SPOCK2: variants seen among roughly 807,000 people sequenced by gnomAD.
SPOCK2 encodes testican-2.
SPOCK2 carries 39 observed loss-of-function variants against 60.1 expected under a neutral mutation model. That is an observed-to-expected ratio of 0.65 (90% CI 0.50 to 0.85). The LOEUF (loss-of-function observed/expected upper bound fraction) is 0.85, where lower values mean the gene tolerates loss of function less well. Among genes scored for constraint, SPOCK2 ranks in the 40% least tolerant of loss-of-function variants. SPOCK2 has a pLI of 0.00. For missense variants in SPOCK2, 523 were observed against 567.4 expected, an observed-to-expected ratio of 0.92 and a Z score of 0.80; for synonymous variants, 217 against 231.5, an observed-to-expected ratio of 0.94 and a Z score of 0.57.
At chr10:72,081,997 G>T (rs555718643) in intron 1 of SPOCK2, among the ~76,000 whole-genome samples, 1 of 152,336 alleles carries the variant, frequency 6.6e-6, no homozygotes, top group East Asian at 1.9e-4. Context: ...TGGGGATGGG[G>T]TGGTAAGGTA....
rs11000161 is a variant in SPOCK2, at chr10:72,062,503, C to T, written c.*257G>A. The stretch of plus-strand genomic sequence containing the variant: ...TTTGGGTGACTCACTCTGCCAGGAG[C>T]AGTGTGGATCAAGGACACATTTGTC... On this transcript the variant is annotated 3_prime_UTR_variant, in exon 11 of 11. Coordinates refer to ENST00000373109, the MANE Select transcript of SPOCK2 (RefSeq NM_001244950.2). The surrounding 1 kb of genome is among the most constrained non-coding windows in gnomAD (Gnocchi z 4.3). The T allele has an allele frequency of 0.067, 38,346 of 573,752 alleles. 6,342 individuals are homozygous for T. Among genetic ancestry groups the T allele is most frequent in the African/African-American group, 0.46 (23,435 of 51,456 alleles). 35.5% of individuals were successfully genotyped at this position (573,752 alleles called of 1,614,324 possible).
rs1031706599 is a variant in SPOCK2 at position 72,061,925 on chromosome 10, C to G, written c.*835G>C. ...TCCTGCTGAGCCGACCCCCTCTCCT[C>G]ACCCTGTTCTACCTGCACCACCTGG... On this transcript the variant is annotated 3_prime_UTR_variant, in exon 11 of 11. Coordinates refer to ENST00000373109, the MANE Select transcript of SPOCK2 (RefSeq NM_001244950.2). 6.5e-6 allele frequency: 1 copy of G among 153,748 alleles called. No individual in the cohort carries two copies. The highest frequency in any genetic ancestry group is 2.4e-5 in the African/African-American group (1 of 41,476). 9.5% of individuals were successfully genotyped at this position (153,748 alleles called of 1,614,324 possible).
Position 72,062,878 on chromosome 10 carries a change from A to G in SPOCK2, c.1157T>C (p.Phe386Ser), listed in dbSNP as rs746988841. The G allele has an allele frequency of 1.9e-6, 3 of 1,599,696 alleles. No homozygotes were observed. Among genetic ancestry groups the G allele is most frequent in the Non-Finnish European group, 2.6e-6 (3 of 1,175,130 alleles). The stretch of plus-strand genomic sequence containing the variant: ...ATCCTCCCAGCCGACACCGCTTCCA[A>G]AGTCCCCCGAGAAGCCCACGATGTC... ...CDDIVGFSGD[F>S]GSGVGWEDEE... Residue 386 changes from phenylalanine (F) to serine (S), a missense_variant, in exon 11 of 11, where the codon TTT becomes TCT. Transcript: ENST00000373109. The surrounding 1 kb of genome is among the most constrained non-coding windows in gnomAD (Gnocchi z 4.3).
At position 72,062,745 on chromosome 10, in the gene SPOCK2, G is replaced by T. The variant is rs199777791; in HGVS notation, c.*15C>A. 1.3e-6 allele frequency: 2 copies of T among 1,590,756 alleles called. No individual in the cohort carries two copies. Among genetic ancestry groups the T allele is most frequent in the Non-Finnish European group, 1.7e-6 (2 of 1,174,492 alleles). Reference sequence around the variant, plus strand: ...TGCTGTTGAGTCCCCCCCGGCAGCCGGCTCCTGAGGGCGTCTACCAGATGT... The same window carrying T: ...TGCTGTTGAGTCCCCCCCGGCAGCCTGCTCCTGAGGGCGTCTACCAGATGT... On this transcript the variant is annotated 3_prime_UTR_variant, in exon 11 of 11. Coordinates refer to ENST00000373109, the MANE Select transcript of SPOCK2 (RefSeq NM_001244950.2). The surrounding 1 kb of genome is among the most constrained non-coding windows in gnomAD (Gnocchi z 4.3).
At position 72,076,939 on chromosome 10, in the gene SPOCK2, C is replaced by T. The variant is rs1027663195; in HGVS notation, c.190-4029G>A. ...CCTCCCACCCCACAAGTTAGAGTCT[C>T]TCTCCTTAAGAGAGGACCAGCATCT... On this transcript the variant is annotated intron_variant, in intron 1 of 10. Coordinates refer to ENST00000373109, the MANE Select transcript of SPOCK2 (RefSeq NM_001244950.2). Among the ~76,000 whole-genome samples, 6 of 152,180 alleles carry T rather than the reference C, an allele frequency of 3.9e-5. No individual in the cohort carries two copies. In the South Asian group the frequency reaches 6.2e-4, roughly 16 times the overall value.
intron 8 of SPOCK2, among the ~76,000 whole-genome samples, chr10:72,066,028 G>T (rs1261582324): frequency 6.6e-6 from 1 of 152,108 alleles, no homozygotes; most frequent in African/African-American, 2.4e-5. Context: ...ATCCAGTGAG[G>T]AACACCAGGG....
chr10:72,088,643 G>A (rs1371264257), upstream of SPOCK2: 1 of 275,928 alleles, frequency 3.6e-6, no homozygotes, highest in African/African-American at 2.2e-5. Context: ...AAAAAAAGGA[G>A]TGGGTAGATT....
rs1231616536 is a variant in SPOCK2 at position 72,063,018 on chromosome 10, C to T, written c.1129+7G>A. On this transcript the variant is annotated splice_region_variant and intron_variant, in intron 10 of 10. Coordinates refer to ENST00000373109, the MANE Select transcript of SPOCK2 (RefSeq NM_001244950.2). Reference sequence around the variant, plus strand: ...CCCCAGCAGGCCCTGAGCTGCCCAGCCCGTACCGCAGTCGGGGCTCCCATG... The same window carrying T: ...CCCCAGCAGGCCCTGAGCTGCCCAGTCCGTACCGCAGTCGGGGCTCCCATG... 3 of 1,560,768 alleles carry T rather than the reference C, an allele frequency of 1.9e-6. No individual in the cohort carries two copies.
At chr10:72,085,658 A>G (rs1326699421) in intron 1 of SPOCK2, among the ~76,000 whole-genome samples, 1 of 152,100 alleles carries the variant, frequency 6.6e-6, no homozygotes, top group Non-Finnish European at 1.5e-5. Context: ...TAGGACAAAT[A>G]GGGGGGCCCT....
At chr10:72,082,119 G>T (rs1840793460) in intron 1 of SPOCK2, among the ~76,000 whole-genome samples, 1 of 152,232 alleles carries the variant, frequency 6.6e-6, no homozygotes, top group Admixed American at 6.5e-5. Context: ...AGCCCGCAGT[G>T]TAAGTGATGC....
chr10:72,081,389 G>A (rs947884346), intron 1 of SPOCK2, among the ~76,000 whole-genome samples: 1 of 152,254 alleles, frequency 6.6e-6, no homozygotes, highest in East Asian at 1.9e-4. Flanking sequence ...GACACCAGCT[G>A]GGCCTGGCTT....
chr10:72,080,520 C>G (rs1718254105), intron 1 of SPOCK2, among the ~76,000 whole-genome samples: 1 of 152,106 alleles, frequency 6.6e-6, no homozygotes, highest in South Asian at 2.1e-4. Context: ...CCAGTGGGGA[C>G]ACCTGGGATC....
At chr10:72,069,463 T>C (rs892434573) in intron 5 of SPOCK2, among the ~76,000 whole-genome samples, 1 of 151,502 alleles carries the variant, frequency 6.6e-6, no homozygotes, top group African/African-American at 2.4e-5. Context: ...TGCATTTCTA[T>C]GTTACTTTTT....
In SPOCK2 at chr10:72,065,099, G is replaced by A. The variant is rs1304956509; in HGVS notation, c.929-859C>T. On this transcript the variant is annotated intron_variant, in intron 8 of 10. Coordinates refer to ENST00000373109, the MANE Select transcript of SPOCK2 (RefSeq NM_001244950.2). ...CGCCCAGGCTGGAGTGCAACGGCAC[G>A]ATCTTGGCTCACTGCAACCTCTGCC... 4.1e-5 allele frequency among the ~76,000 whole-genome samples: 5 copies of A among 123,250 alleles called. 2 individuals carry two copies. Among genetic ancestry groups the A allele is most frequent in the East Asian group, 4.1e-4 (2 of 4,836 alleles). 80.9% of individuals were successfully genotyped at this position (123,250 alleles called of 152,430 possible). A position where few individuals can be genotyped will look rare whatever the true frequency, so the allele number is the denominator to read the frequency against.
intron 1 of SPOCK2, among the ~76,000 whole-genome samples, chr10:72,080,931 C>T (rs1011998530): frequency 6.6e-6 from 1 of 152,152 alleles, no homozygotes; most frequent in Non-Finnish European, 1.5e-5. Flanking sequence ...GTCCCTGCTC[C>T]GGGCGGTGGC....
At chr10:72,063,213 C>T (rs1050135740) in intron 9 of SPOCK2, 51 bp from the exon 10 acceptor site, 8 of 1,548,104 alleles carry the variant, frequency 5.2e-6, no homozygotes, top group African/African-American at 1.4e-5. Context: ...AGGCTGTGGG[C>T]CCCTCAGAGA....
At chr10:72,064,314 T>C in intron 8 of SPOCK2, 74 bp from the exon 9 acceptor site, 1 of 1,438,702 alleles carries the variant, frequency 7.0e-7, no homozygotes, top group Non-Finnish European at 9.1e-7. Flanking sequence ...CTTCAAGGCT[T>C]AGAGACCCAG....
At chr10:72,086,970 C>T (rs529916211) in intron 1 of SPOCK2, 5 of 1,551,510 alleles carry the variant, frequency 3.2e-6, no homozygotes, top group Non-Finnish European at 3.5e-6. Context: ...CTGCGTTGTA[C>T]TGGGTGGGTC....
intron 8 of SPOCK2, 147 bp from the exon 9 acceptor site, chr10:72,064,387 G>T: frequency 1.1e-6 from 1 of 872,610 alleles, no homozygotes. Context: ...CAGCAGGGGT[G>T]GGAAGTACAA....
Sources: allele counts gnomAD v4.1 joint callset (sites outside exome capture counted in the v4.1 genomes callset), GRCh38; gene constraint gnomAD v4.1.1; non-coding constraint Gnocchi (gnomAD v3.1); transcripts MANE v1.5; gene names NCBI Gene and HGNC (gene_info 2026-07-23, HGNC 2026-07-21).